NR1I2: variants seen among roughly 807,000 people sequenced by gnomAD.
The protein encoded by NR1I2 is nuclear receptor subfamily 1 group I member 2.
A neutral mutation model predicts 43.3 loss-of-function variants in NR1I2; 42 were observed. The ratio of observed to expected loss-of-function variants is 0.97; its 90% CI spans 0.76 to 1.26. NR1I2 has a LOEUF of 1.26. Among genes scored for constraint, NR1I2 ranks in the 50% most tolerant of loss-of-function variants. NR1I2 has a pLI of 0.00. For synonymous variants in NR1I2, 229 were observed against 215.0 expected, an observed-to-expected ratio of 1.06 and a Z score of -0.57; for missense variants, 559 against 566.7, an observed-to-expected ratio of 0.99 and a Z score of 0.14.
At chr3:119,787,617 G>C (rs1054735802) in intron 1 of NR1I2, among the ~76,000 whole-genome samples, 1 of 148,936 alleles carries the variant, frequency 6.7e-6, no homozygotes, top group African/African-American at 2.5e-5. Flanking sequence ...CCCCTTACTT[G>C]CTTTTTTCTC....
At chr3:119,783,887 T>C (rs1018708326) in intron 1 of NR1I2, among the ~76,000 whole-genome samples, 2 of 152,236 alleles carry the variant, frequency 1.3e-5, no homozygotes, top group Non-Finnish European at 2.9e-5. Flanking sequence ...CTTGGAGACT[T>C]TCCATATCTG....
At chr3:119,805,717 C>CCCCCCAAA (rs561350711) in intron 1 of NR1I2, among the ~76,000 whole-genome samples, 1 of 96,622 alleles carries the variant, frequency 1.0e-5, no homozygotes, top group Non-Finnish European at 2.0e-5. Flanking sequence ...TCCCCCCCAC[C>CCCCCCAAA]AAAAAAAAAA....
intron 2 of NR1I2, 102 bp from the exon 3 acceptor site, chr3:119,809,959 C>G (rs949736498): frequency 5.4e-6 from 8 of 1,482,026 alleles, no homozygotes; most frequent in Non-Finnish European, 7.5e-6. Flanking sequence ...TCCCCCTCCC[C>G]GAGTCGGTAG....
In NR1I2 at chr3:119,810,101, C is replaced by T. The variant is rs1384110705; in HGVS notation, c.238C>T (p.Arg80Trp). The change falls in exon 3 of 9, where the codon CGG (arginine) becomes TGG (tryptophan). Residue 80 changes from arginine to tryptophan, a missense_variant. Coordinates refer to ENST00000393716, the MANE Select transcript of NR1I2 (RefSeq NM_003889.4). ...CAACGCCCGGCTGAGGTGCCCCTTC[C>T]GGAAGGGCGCCTGCGAGATCACCCG... The T allele has an allele frequency of 1.2e-6, 2 of 1,613,714 alleles. No homozygotes were observed. Among genetic ancestry groups the T allele is most frequent in the African/African-American group, 2.7e-5 (2 of 74,944 alleles).
At chr3:119,807,713 G>A (rs186976080) in intron 2 of NR1I2, among the ~76,000 whole-genome samples, 1 of 152,372 alleles carries the variant, frequency 6.6e-6, no homozygotes, top group Admixed American at 6.5e-5. Flanking sequence ...AAATGACTCA[G>A]TGAAAGATAA....
Position 119,814,116 on chromosome 3 carries a change from C to T in NR1I2, c.795-863C>T, listed in dbSNP as rs548899750. Among the ~76,000 whole-genome samples, 5 of 152,270 alleles carry T rather than the reference C, an allele frequency of 3.3e-5. No homozygotes were observed. The South Asian group carries it at 1.0e-3, about 32-fold the overall frequency. On this transcript the variant is annotated intron_variant, in intron 5 of 8. Coordinates refer to ENST00000393716, the MANE Select transcript of NR1I2 (RefSeq NM_003889.4). ...GCATTTGTAGCTCAGTGTTAGGGAT[C>T]TAAAAGAAGGATGGGCGCCAGTAGC...
Position 119,817,397 on chromosome 3 carries a change from C to T in NR1I2, c.*185C>T. The T allele has an allele frequency of 3.4e-6, 5 of 1,471,696 alleles. No individual in the cohort carries two copies. The highest frequency in any genetic ancestry group is 4.5e-6 in the Non-Finnish European group (5 of 1,111,930). 91.2% of individuals were successfully genotyped at this position (1,471,696 alleles called of 1,614,324 possible). On this transcript the variant is annotated 3_prime_UTR_variant, in exon 9 of 9. Coordinates refer to ENST00000393716, the MANE Select transcript of NR1I2 (RefSeq NM_003889.4). ...TCAGGAAGGACATGGGTGCCCCCCACCCCCAGTTCAGTCTGTAGGGAGTGA... is the reference window on the plus strand; with the variant it reads ...TCAGGAAGGACATGGGTGCCCCCCATCCCCAGTTCAGTCTGTAGGGAGTGA...
At chr3:119,806,640 C>A (rs2055165756) in intron 1 of NR1I2, among the ~76,000 whole-genome samples, 1 of 152,178 alleles carries the variant, frequency 6.6e-6, no homozygotes, top group Non-Finnish European at 1.5e-5. Context: ...CCCAGCTCTG[C>A]TGGGACCACA....
intron 1 of NR1I2, among the ~76,000 whole-genome samples, chr3:119,802,490 C>A (rs1023646425): frequency 6.6e-6 from 1 of 152,142 alleles, no homozygotes; most frequent in Non-Finnish European, 1.5e-5. Flanking sequence ...ATATTTATTG[C>A]GAGAAAGCAG....
intron 1 of NR1I2, among the ~76,000 whole-genome samples, chr3:119,798,639 C>CAGGAAA (rs1553717552): frequency 4.7e-4 from 57 of 121,610 alleles, no homozygotes; most frequent in African/African-American, 1.6e-3. Context: ...GACTCCGTCT[C>CAGGAAA]AAAAAAAAAA....
intron 8 of NR1I2, 57 bp from the exon 9 acceptor site, chr3:119,817,011 G>A (rs1413670307): frequency 6.2e-7 from 1 of 1,612,144 alleles, no homozygotes; most frequent in East Asian, 2.2e-5. Flanking sequence ...GAGCAGCCCT[G>A]AGGCTTGTGG....
chr3:119,787,379 G>A (rs1307281234), intron 1 of NR1I2, among the ~76,000 whole-genome samples: 1 of 151,738 alleles, frequency 6.6e-6, no homozygotes, highest in Non-Finnish European at 1.5e-5. Flanking sequence ...GGGATAATAA[G>A]AACTGCCCTG....
rs1329975519 is a variant in NR1I2, at chr3:119,813,605, C to T, written c.794+645C>T. ...CCTTGCCAAGCCTGGTCAAGTGGGG[C>T]TGAAACACACCTGCCACAAGCTCCT... On this transcript the variant is annotated intron_variant, in intron 5 of 8. Transcript: ENST00000393716. Among the ~76,000 whole-genome samples the T allele has an allele frequency of 2.0e-5, 3 of 152,078 alleles. No individual in the cohort carries two copies. The South Asian group carries it at 6.2e-4, about 32-fold the overall frequency.
intron 1 of NR1I2, among the ~76,000 whole-genome samples, chr3:119,797,470 C>G (rs540773509): frequency 6.6e-6 from 1 of 151,890 alleles, no homozygotes; most frequent in Non-Finnish European, 1.5e-5. Context: ...ATTCAGCTAT[C>G]GGACTCTTAC....
chr3:119,785,234 T>C (rs2054828894), intron 1 of NR1I2, among the ~76,000 whole-genome samples: 1 of 152,222 alleles, frequency 6.6e-6, no homozygotes, highest in African/African-American at 2.4e-5. Flanking sequence ...CTTGTCATGT[T>C]CCTGATTTCC....
chr3:119,805,244 GTTTGT>G (rs1241615591), intron 1 of NR1I2, among the ~76,000 whole-genome samples: 1 of 151,880 alleles, frequency 6.6e-6, no homozygotes, highest in East Asian at 1.9e-4. Flanking sequence ...AGTTTTTTTG[GTTTGT>G]TTTGTTTTGT....
At chr3:119,802,805 A>T in intron 1 of NR1I2, 1 of 448,262 alleles carries the variant, frequency 2.2e-6, no homozygotes, top group East Asian at 7.0e-5. Context: ...TACATAACAG[A>T]ATATATCTGG....
intron 1 of NR1I2, among the ~76,000 whole-genome samples, chr3:119,800,232 C>CT (rs536486890): frequency 1.8e-4 from 27 of 152,226 alleles, no homozygotes; most frequent in African/African-American, 5.3e-4. Flanking sequence ...TTCCAAGCAC[C>CT]TTTTTTTAGC....
intron 1 of NR1I2, among the ~76,000 whole-genome samples, chr3:119,795,129 C>T (rs984880997): frequency 1.3e-5 from 2 of 152,096 alleles, no homozygotes; most frequent in African/African-American, 4.8e-5. Flanking sequence ...TGGGGTTGGT[C>T]AGTGCACAGG....
Sources: allele counts gnomAD v4.1 joint callset (sites outside exome capture counted in the v4.1 genomes callset), GRCh38; gene constraint gnomAD v4.1.1; transcripts MANE v1.5; gene names NCBI Gene and HGNC (gene_info 2026-07-23, HGNC 2026-07-21).